The following SLC6A19 variants were observed in gnomAD, a reference collection of about 807,000 sequenced individuals.
SLC6A19 encodes the protein sodium-dependent neutral amino acid transporter B(0)AT1.
In SLC6A19, 67 loss-of-function variants were observed where a neutral mutation model predicts 68.3. The ratio of observed to expected loss-of-function variants is 0.98; its 90% CI spans 0.81 to 1.20. The LOEUF is 1.20. Ranked by LOEUF, SLC6A19 falls within the 50% of genes most tolerant of loss-of-function variation. The probability of loss-of-function intolerance (pLI) is 0.00; values close to 1 mark genes in which losing one functional copy is unlikely to be tolerated. For synonymous variants in SLC6A19, 392 were observed against 374.9 expected (o/e 1.05, Z -0.53); for missense variants, 813 against 851.6 (o/e 0.95, Z 0.56).
intron 5 of SLC6A19, 99 bp downstream of exon 5, chr5:1,213,672 G>A: frequency 8.1e-7 from 1 of 1,236,138 alleles, no homozygotes; most frequent in Non-Finnish European, 1.2e-6. Flanking sequence ...ACGGGGACAG[G>A]CAGCCTGCTG....
intron 5 of SLC6A19, 80 bp downstream of exon 5, chr5:1,213,653 C>T (rs1392805643): frequency 2.1e-5 from 28 of 1,360,120 alleles, no homozygotes; most frequent in Middle Eastern, 4.3e-4. Context: ...TCAATACCAG[C>T]TCTCACCCAC....
At chr5:1,206,347 C>T (rs12658538) in intron 1 of SLC6A19, among the ~76,000 whole-genome samples, 24,716 of 126,528 alleles carry the variant, frequency 0.2, 2,026 homozygotes, top group East Asian at 0.26. Flanking sequence ...TCCATCTCCC[C>T]CTCTGTGACT....
chr5:1,210,161 C>T (rs535284489), intron 2 of SLC6A19, among the ~76,000 whole-genome samples: 1 of 152,376 alleles, frequency 6.6e-6, no homozygotes. Context: ...GAGACCCATG[C>T]CTGGGGCAAG....
chr5:1,213,006 TC>T (rs1746088055), intron 4 of SLC6A19, among the ~76,000 whole-genome samples: 2 of 67,322 alleles, frequency 3.0e-5, no homozygotes, highest in South Asian at 5.4e-4. Context: ...ATACCCAGGC[TC>T]CCGCAGGCCC....
rs1170345221 is a variant in SLC6A19 at position 1,215,727 on chromosome 5, T to G, written c.888-831T>G. Among the ~76,000 whole-genome samples, 1 of 152,228 alleles carries G rather than the reference T, an allele frequency of 6.6e-6. No homozygotes were observed. Among genetic ancestry groups the G allele is most frequent in the Non-Finnish European group, 1.5e-5 (1 of 68,046 alleles). ...TGTACGCGTTTTTGTGGACGCATGC[T>G]TTCGTTCTTCTGGGTGTGCGCCTAG... On this transcript the variant is annotated intron_variant, in intron 6 of 11. Transcript: ENST00000304460. This position sits in a 1 kb window ranked among gnomAD's most constrained non-coding sequence, Gnocchi z 5.1.
rs776003667 is a variant in SLC6A19 at position 1,212,268 on chromosome 5, C to A, written c.482-35C>A. ...TTCCATTCTCCTCCCTTGGGGGACC[C>A]GTACCCTGAGGTGTGTGAATGGCCC... On this transcript the variant is annotated intron_variant, in intron 3 of 11. Coordinates refer to ENST00000304460, the MANE Select transcript of SLC6A19 (RefSeq NM_001003841.3). The surrounding 1 kb of genome is among the most constrained non-coding windows in gnomAD (Gnocchi z 5.1). The A allele has an allele frequency of 6.2e-7, 1 of 1,611,292 alleles. No individual in the cohort carries two copies. The highest frequency in any genetic ancestry group is 8.5e-7 in the Non-Finnish European group (1 of 1,179,768).
At chr5:1,221,604 G>C in intron 11 of SLC6A19, 97 bp from the exon 12 acceptor site, 1 of 1,485,868 alleles carries the variant, frequency 6.7e-7, no homozygotes, top group Non-Finnish European at 9.3e-7. Context: ...TGCCCCACAG[G>C]ACAGGAGGTG....
At chr5:1,201,984 G>T (rs976796413) in intron 1 of SLC6A19, 132 bp downstream of exon 1, 1 of 1,274,016 alleles carries the variant, frequency 7.8e-7, no homozygotes, top group Non-Finnish European at 1.1e-6. Context: ...AAGCCGCAGG[G>T]TGTGGGGGGA....
chr5:1,204,030 A>T (rs1355090883), intron 1 of SLC6A19, among the ~76,000 whole-genome samples: 1 of 152,156 alleles, frequency 6.6e-6, no homozygotes, highest in Non-Finnish European at 1.5e-5. Flanking sequence ...ACCCACAGAC[A>T]GCGCACTCTC....
chr5:1,204,612 C>T (rs944436663), intron 1 of SLC6A19, among the ~76,000 whole-genome samples: 1 of 152,232 alleles, frequency 6.6e-6, no homozygotes. Context: ...TCAGTTGCCC[C>T]GTGTGTCCCC....
intron 1 of SLC6A19, among the ~76,000 whole-genome samples, chr5:1,205,498 G>C (rs10057359): frequency 6.6e-6 from 1 of 152,208 alleles, no homozygotes; most frequent in Non-Finnish European, 1.5e-5. Context: ...TTGGGGATTT[G>C]AGGGTCTCCT....
rs371420551 is a variant in SLC6A19 at position 1,201,641 on chromosome 5, A to C, written c.-10A>C. Reference sequence around the variant, plus strand: ...CTGCCTGCTGTGTGCGGAGCCGTCCAGCGACCACCATGGTGAGGCTCGTGC... The same window carrying C: ...CTGCCTGCTGTGTGCGGAGCCGTCCCGCGACCACCATGGTGAGGCTCGTGC... On this transcript the variant is annotated 5_prime_UTR_variant, in exon 1 of 12. Coordinates refer to ENST00000304460, the MANE Select transcript of SLC6A19 (RefSeq NM_001003841.3). 3.8e-5 allele frequency: 61 copies of C among 1,603,108 alleles called. No individual in the cohort carries two copies. In the African/African-American group the frequency reaches 5.2e-4, roughly 14 times the overall value.
At position 1,222,066 on chromosome 5, in the gene SLC6A19, T is replaced by A; in HGVS notation, c.*162T>A. On this transcript the variant is annotated 3_prime_UTR_variant, in exon 12 of 12. Transcript: ENST00000304460. ...CACGCATGTGCCATGTGTGCAGATA[T>A]GTATCGTGTGTGCATGTACATGCAT... 1 of 780,974 alleles carries A rather than the reference T, an allele frequency of 1.3e-6. No individual in the cohort carries two copies. Among genetic ancestry groups the A allele is most frequent in the Middle Eastern group, 3.6e-4 (1 of 2,742 alleles). The allele number at this position is 780,974 out of a possible 1,614,324, so 48.4% of individuals were successfully genotyped here.
At chr5:1,216,974 G>C (rs745429678) in intron 8 of SLC6A19, 29 bp downstream of exon 8, 1 of 1,611,100 alleles carries the variant, frequency 6.2e-7, no homozygotes, top group South Asian at 1.1e-5. Context: ...TCGAGGCAGG[G>C]AGAGGGCACC....
In SLC6A19 at chr5:1,224,525, C is replaced by G. The variant is rs980367823; in HGVS notation, c.*2621C>G. Reference sequence around the variant, plus strand: ...GGGCTTGCTCCGAAGAGGCCATGGCCCAGGCCTGTGGCCTCACAATGGGGA... The same window carrying G: ...GGGCTTGCTCCGAAGAGGCCATGGCGCAGGCCTGTGGCCTCACAATGGGGA... On this transcript the variant is annotated 3_prime_UTR_variant, in exon 12 of 12. Coordinates refer to ENST00000304460, the MANE Select transcript of SLC6A19 (RefSeq NM_001003841.3). 1 of 152,414 alleles carries G rather than the reference C, an allele frequency of 6.6e-6. No individual in the cohort carries two copies. The highest frequency in any genetic ancestry group is 2.4e-5 in the African/African-American group (1 of 41,468). The allele number at this position is 152,414 out of a possible 1,614,324, so 9.4% of individuals were successfully genotyped here.
chr5:1,211,369 C>T (rs1347749757), intron 3 of SLC6A19, among the ~76,000 whole-genome samples: 1 of 152,252 alleles, frequency 6.6e-6, no homozygotes, highest in African/African-American at 2.4e-5. Context: ...GAGAGGCCCA[C>T]AGTGGTGACA....
intron 9 of SLC6A19, 61 bp from the exon 10 acceptor site, chr5:1,219,444 C>A: frequency 1.3e-6 from 2 of 1,598,860 alleles, no homozygotes; most frequent in Non-Finnish European, 1.7e-6. Context: ...GTGAACAGCT[C>A]TGTCCCTGGC....
intron 1 of SLC6A19, among the ~76,000 whole-genome samples, chr5:1,206,585 G>A (rs904148740): frequency 6.6e-6 from 1 of 152,282 alleles, no homozygotes; most frequent in Non-Finnish European, 1.5e-5. Context: ...AAGAGATTTG[G>A]TGGGAGAAGG....
At position 1,224,385 on chromosome 5, in the gene SLC6A19, A is replaced by C. The variant is rs536198952; in HGVS notation, c.*2481A>C. 6.6e-6 allele frequency: 1 copy of C among 152,356 alleles called. No individual in the cohort carries two copies. Among genetic ancestry groups the C allele is most frequent in the African/African-American group, 2.4e-5 (1 of 41,582 alleles). The allele number at this position is 152,356 out of a possible 1,614,324, so 9.4% of individuals were successfully genotyped here. ...TAAATCCCTTCTATTGAGTATGCTC[A>C]CCCTAGAAGTTACTGTTGTCCAGAC... On this transcript the variant is annotated 3_prime_UTR_variant, in exon 12 of 12. Coordinates refer to ENST00000304460, the MANE Select transcript of SLC6A19 (RefSeq NM_001003841.3).
Sources: allele counts gnomAD v4.1 joint callset (sites outside exome capture counted in the v4.1 genomes callset), GRCh38; gene constraint gnomAD v4.1.1; non-coding constraint Gnocchi (gnomAD v3.1); transcripts MANE v1.5; gene names NCBI Gene and HGNC (gene_info 2026-07-23, HGNC 2026-07-21).